AGBL1: variants seen among roughly 807,000 people sequenced by gnomAD.
AGBL1 encodes AGBL carboxypeptidase 1.
In AGBL1, 130 loss-of-function variants were observed where a neutral mutation model predicts 118.9. That is an observed-to-expected ratio of 1.09 (90% CI 0.95 to 1.26). AGBL1 has a LOEUF of 1.26. Ranked by LOEUF, AGBL1 falls within the 50% of genes most tolerant of loss-of-function variation. The pLI, the probability that AGBL1 is intolerant of heterozygous loss-of-function variation, is 0.00. For missense variants in AGBL1, 1,584 were observed against 1,298.1 expected (o/e 1.22, Z -3.38); for synonymous variants, 555 against 478.9 (o/e 1.16, Z -2.08).
At chr15:87,022,070 G>C (rs1274610471) in intron 24 of AGBL1, among the ~76,000 whole-genome samples, 1 of 152,070 alleles carries the variant, frequency 6.6e-6, no homozygotes, top group Non-Finnish European at 1.5e-5. Context: ...TATTCTCTCA[G>C]GAAGCCACAT....
chr15:86,583,138 T>A (rs1403365062), intron 21 of AGBL1, among the ~76,000 whole-genome samples: 1 of 151,746 alleles, frequency 6.6e-6, no homozygotes, highest in Middle Eastern at 3.4e-3. Flanking sequence ...TTTTTAGAGA[T>A]GAGAATTGGA....
chr15:86,653,868 C>T (rs979939088), intron 21 of AGBL1, among the ~76,000 whole-genome samples: 4 of 152,102 alleles, frequency 2.6e-5, no homozygotes, highest in African/African-American at 7.2e-5. Flanking sequence ...AACACTCAAT[C>T]CTAGAGCTCA....
At position 86,575,694 on chromosome 15, in the gene AGBL1, A is replaced by G. The variant is rs191621603; in HGVS notation, c.2994+21157A>G. Among the ~76,000 whole-genome samples, 233 of 151,832 alleles carry G rather than the reference A, an allele frequency of 1.5e-3. 4 individuals carry two copies. Among genetic ancestry groups the G allele is most frequent in the Non-Finnish European group, 8.8e-4 (60 of 67,946 alleles). ...AGTCTTGACTTCCTGGGCTCAAGTGATCCTCCTGCCTCAGCCTTCTAAGCG... is the reference window on the plus strand; with the variant it reads ...AGTCTTGACTTCCTGGGCTCAAGTGGTCCTCCTGCCTCAGCCTTCTAAGCG... On this transcript the variant is annotated intron_variant, in intron 21 of 22. Coordinates refer to ENST00000614907, the MANE Select transcript of AGBL1 (RefSeq NM_001386094.1).
chr15:86,351,573 G>A (rs898950595), intron 17 of AGBL1, among the ~76,000 whole-genome samples: 7 of 152,104 alleles, frequency 4.6e-5, no homozygotes, highest in East Asian at 1.9e-4. Flanking sequence ...CTTTGCACAC[G>A]TGATGCTATA....
At chr15:86,873,523 C>T (rs1003717144) in intron 22 of AGBL1, among the ~76,000 whole-genome samples, 3 of 152,122 alleles carry the variant, frequency 2.0e-5, no homozygotes, top group African/African-American at 7.2e-5. Flanking sequence ...TTCCAGGCCC[C>T]AAGTTGATGG....
intron 21 of AGBL1, among the ~76,000 whole-genome samples, chr15:86,588,985 A>T (rs1036082094): frequency 1.3e-5 from 2 of 151,972 alleles, no homozygotes; most frequent in Admixed American, 1.3e-4. Context: ...CACAATTTTT[A>T]TTTTTTATGT....
At chr15:86,899,942 A>G (rs56134903) in intron 22 of AGBL1, among the ~76,000 whole-genome samples, 10,064 of 152,246 alleles carry the variant, frequency 0.066, 388 homozygotes, top group African/African-American at 0.1. Flanking sequence ...CCATCTAATC[A>G]GCTGCCTGAA....
intron 18 of AGBL1, among the ~76,000 whole-genome samples, chr15:86,452,665 A>G (rs553103636): frequency 6.6e-6 from 1 of 152,268 alleles, no homozygotes; most frequent in Admixed American, 6.5e-5. Flanking sequence ...AATGGCTCCA[A>G]CTCAGTGATG....
chr15:86,918,225 T>C (rs984033189), downstream of AGBL1, among the ~76,000 whole-genome samples: 8 of 152,154 alleles, frequency 5.3e-5, no homozygotes, highest in African/African-American at 1.4e-4. Context: ...CCCTTTGAGG[T>C]AAATAACTAT....
intron 17 of AGBL1, among the ~76,000 whole-genome samples, chr15:86,350,737 A>G (rs1484325493): frequency 6.6e-6 from 1 of 152,202 alleles, no homozygotes; most frequent in African/African-American, 2.4e-5. Flanking sequence ...TGACAATGCT[A>G]AAGGTCTGGA....
At chr15:86,350,892 TC>T (rs2080615214) in intron 17 of AGBL1, among the ~76,000 whole-genome samples, 1 of 152,166 alleles carries the variant, frequency 6.6e-6, no homozygotes, top group South Asian at 2.1e-4. Flanking sequence ...AATGTGTTAA[TC>T]CGTTGGAGAG....
intron 17 of AGBL1, among the ~76,000 whole-genome samples, chr15:86,361,953 T>C (rs1337418042): frequency 1.3e-5 from 2 of 152,142 alleles, no homozygotes; most frequent in African/African-American, 4.8e-5. Context: ...TTTTGATAGG[T>C]AAGGACTTAG....
At chr15:86,338,962 G>A (rs2080418256) in intron 17 of AGBL1, among the ~76,000 whole-genome samples, 1 of 152,146 alleles carries the variant, frequency 6.6e-6, no homozygotes, top group African/African-American at 2.4e-5. Context: ...AGGGTTACAA[G>A]TGTTCCTATT....
chr15:86,221,691 A>C (rs2141920058), intron 5 of AGBL1, among the ~76,000 whole-genome samples: 1 of 152,240 alleles, frequency 6.6e-6, no homozygotes, highest in African/African-American at 2.4e-5. Flanking sequence ...AGTTGATTTC[A>C]GATGTTTATT....
intron 5 of AGBL1, among the ~76,000 whole-genome samples, chr15:86,185,511 G>A (rs2077616863): frequency 6.6e-6 from 1 of 152,084 alleles, no homozygotes; most frequent in Admixed American, 6.5e-5. Context: ...CAACCCAAAT[G>A]TCCATCAATG....
intron 6 of AGBL1, among the ~76,000 whole-genome samples, chr15:86,231,513 C>T (rs987322999): frequency 4.6e-5 from 7 of 152,188 alleles, no homozygotes; most frequent in Admixed American, 2.0e-4. Context: ...CTGGGATGGA[C>T]GGCTGTGATT....
chr15:86,197,287 A>G (rs1335129432), intron 5 of AGBL1, among the ~76,000 whole-genome samples: 1 of 152,204 alleles, frequency 6.6e-6, no homozygotes, highest in African/African-American at 2.4e-5. Flanking sequence ...AGGACTGAAA[A>G]AGGAAAGAGG....
chr15:86,317,478 A>G (rs1335443852), intron 17 of AGBL1, among the ~76,000 whole-genome samples: 1 of 152,198 alleles, frequency 6.6e-6, no homozygotes, highest in Non-Finnish European at 1.5e-5. Context: ...CTTGCGAGCA[A>G]TGTTTGTTTC....
chr15:86,583,692 T>C (rs1019946928), intron 21 of AGBL1, among the ~76,000 whole-genome samples: 1 of 152,180 alleles, frequency 6.6e-6, no homozygotes, highest in Non-Finnish European at 1.5e-5. Flanking sequence ...TTATTTTCTT[T>C]TGAGTATGTA....
Sources: allele counts gnomAD v4.1 joint callset (sites outside exome capture counted in the v4.1 genomes callset), GRCh38; gene constraint gnomAD v4.1.1; transcripts MANE v1.5; gene names NCBI Gene and HGNC (gene_info 2026-07-23, HGNC 2026-07-21).